Variants in ADAMTSL1 observed in about 807,000 individuals in gnomAD.
The protein encoded by ADAMTSL1 is ADAMTS-like protein 1.
A neutral mutation model predicts 201.8 loss-of-function variants in ADAMTSL1; 126 were observed. The observed-to-expected ratio is 0.62, with a 90% CI of 0.54 to 0.72. The LOEUF is 0.72. ADAMTSL1 is among the 30% of genes least tolerant of loss of function. The pLI is 0.00. For synonymous variants in ADAMTSL1, 1,121 were observed against 903.4 expected (o/e 1.24, Z -4.32); for missense variants, 2,679 against 2,277.8 (o/e 1.18, Z -3.59).
At chr9:18,590,535 GTATT>G (rs1823840667) in intron 4 of ADAMTSL1, among the ~76,000 whole-genome samples, 2 of 151,588 alleles carry the variant, frequency 1.3e-5, no homozygotes, top group Admixed American at 1.3e-4. Context: ...CACATCTTCA[GTATT>G]TATTTTCTGC....
chr9:18,824,747 G>T (rs1185491020), intron 21 of ADAMTSL1, among the ~76,000 whole-genome samples: 1 of 137,842 alleles, frequency 7.3e-6, no homozygotes, highest in South Asian at 2.4e-4. Flanking sequence ...ACCCAGGCTG[G>T]AGTGCAGTGA....
intron 1 of ADAMTSL1, among the ~76,000 whole-genome samples, chr9:17,995,618 A>G (rs1003798806): frequency 2.0e-5 from 3 of 152,024 alleles, no homozygotes; most frequent in African/African-American, 7.2e-5. Flanking sequence ...AGTCACAGTA[A>G]TTTGTTTTAA....
At chr9:18,003,868 G>A (rs967281121) in intron 1 of ADAMTSL1, among the ~76,000 whole-genome samples, 1 of 151,946 alleles carries the variant, frequency 6.6e-6, no homozygotes. Context: ...GTTCTTTGGG[G>A]TCAGGTTTTA....
chr9:18,193,453 C>CCT (rs1263289266), intron 2 of ADAMTSL1, among the ~76,000 whole-genome samples: 1 of 152,080 alleles, frequency 6.6e-6, no homozygotes, highest in Non-Finnish European at 1.5e-5. Context: ...CAGAAAAGCT[C>CCT]CTTTGCCTTG....
chr9:18,330,634 G>T (rs913452544), intron 2 of ADAMTSL1, among the ~76,000 whole-genome samples: 1 of 152,104 alleles, frequency 6.6e-6, no homozygotes, highest in Non-Finnish European at 1.5e-5. Flanking sequence ...CCATTTTATA[G>T]ACATGTGGGA....
intron 1 of ADAMTSL1, among the ~76,000 whole-genome samples, chr9:18,061,539 G>C (rs557853631): frequency 3.5e-4 from 53 of 152,250 alleles, no homozygotes; most frequent in African/African-American, 1.3e-3. Context: ...AAATATTAGT[G>C]TGCCATTTCC....
chr9:18,244,909 G>A (rs1831202463), intron 2 of ADAMTSL1, among the ~76,000 whole-genome samples: 1 of 152,102 alleles, frequency 6.6e-6, no homozygotes, highest in Non-Finnish European at 1.5e-5. Context: ...CCTCGTAGTC[G>A]CTGGAGCATC....
intron 2 of ADAMTSL1, among the ~76,000 whole-genome samples, chr9:18,269,254 C>A (rs546902430): frequency 6.6e-6 from 1 of 152,084 alleles, no homozygotes; most frequent in Non-Finnish European, 1.5e-5. Context: ...ATACAGTAAA[C>A]TCTTTGAAGG....
At chr9:18,252,433 T>C (rs1443590812) in intron 2 of ADAMTSL1, among the ~76,000 whole-genome samples, 3 of 152,192 alleles carry the variant, frequency 2.0e-5, no homozygotes, top group African/African-American at 7.2e-5. Context: ...TCCTTGAATG[T>C]TCAAGTCCCT....
chr9:18,283,899 C>A (rs1008718201), intron 2 of ADAMTSL1, among the ~76,000 whole-genome samples: 4 of 78,574 alleles, frequency 5.1e-5, no homozygotes, highest in Non-Finnish European at 1.0e-4. Context: ...GCCTGGGCAA[C>A]AGAGCAAGAC....
intron 1 of ADAMTSL1, among the ~76,000 whole-genome samples, chr9:17,976,591 T>A (rs1818457953): frequency 6.6e-6 from 1 of 152,002 alleles, no homozygotes; most frequent in African/African-American, 2.4e-5. Context: ...ATTTTGTATC[T>A]GCAACTTTAC....
chr9:18,828,829 AG>A (rs1395852176), intron 22 of ADAMTSL1, among the ~76,000 whole-genome samples: 1 of 151,422 alleles, frequency 6.6e-6, no homozygotes, highest in Non-Finnish European at 1.5e-5. Flanking sequence ...AAGTAGACTC[AG>A]GCACCATCAT....
At chr9:18,525,301 T>A (rs577281239) in intron 2 of ADAMTSL1, among the ~76,000 whole-genome samples, 61 of 151,278 alleles carry the variant, frequency 4.0e-4, no homozygotes, top group African/African-American at 1.4e-3. Flanking sequence ...CCTTTATCAT[T>A]TTTTATTGCA....
At chr9:18,535,251 C>T (rs1819690692) in intron 3 of ADAMTSL1, among the ~76,000 whole-genome samples, 1 of 152,242 alleles carries the variant, frequency 6.6e-6, no homozygotes, top group Admixed American at 6.5e-5. Flanking sequence ...CCACCAGCCT[C>T]TTTGCTAAAG....
intron 1 of ADAMTSL1, among the ~76,000 whole-genome samples, chr9:18,501,912 G>C (rs1352499169): frequency 6.6e-6 from 1 of 152,198 alleles, no homozygotes; most frequent in Non-Finnish European, 1.5e-5. Context: ...GATGAGATAA[G>C]ATGCTTAGCA....
chr9:18,138,398 G>A (rs1434137863), intron 1 of ADAMTSL1, among the ~76,000 whole-genome samples: 1 of 152,056 alleles, frequency 6.6e-6, no homozygotes, highest in East Asian at 1.9e-4. Context: ...GGATTTTAAG[G>A]CAGAGTATGC....
chr9:18,761,162 G>A (rs1820051702), intron 16 of ADAMTSL1, among the ~76,000 whole-genome samples: 3 of 152,126 alleles, frequency 2.0e-5, no homozygotes, highest in Admixed American at 2.0e-4. Flanking sequence ...TGAAAAGTTG[G>A]CCTTACAAAC....
At chr9:17,936,614 T>A (rs547966775) in intron 1 of ADAMTSL1, among the ~76,000 whole-genome samples, 45 of 152,300 alleles carry the variant, frequency 3.0e-4, no homozygotes, top group Non-Finnish European at 5.4e-4. Flanking sequence ...CTGGATTATA[T>A]CGTGGTCTCT....
At chr9:18,729,077 G>A (rs1818064504) in intron 15 of ADAMTSL1, among the ~76,000 whole-genome samples, 1 of 152,068 alleles carries the variant, frequency 6.6e-6, no homozygotes, top group Admixed American at 6.6e-5. Context: ...AAAAATTAAT[G>A]CCCTCCTATC....
Sources: gnomAD v4.1 joint callset for allele counts (sites outside exome capture counted in the v4.1 genomes callset) on GRCh38, gnomAD v4.1.1 for gene constraint, MANE v1.5 for transcripts, NCBI Gene and HGNC (gene_info 2026-07-23, HGNC 2026-07-21) for gene names.